Variants in LSAMP observed in about 807,000 individuals in gnomAD.
The protein encoded by LSAMP is limbic system-associated membrane protein.
LSAMP carries 7 observed loss-of-function variants against 38.6 expected under a neutral mutation model. The observed-to-expected ratio is 0.18, with a 90% confidence interval of 0.10 to 0.34. LSAMP has a LOEUF of 0.34. Ranked by LOEUF, LSAMP falls within the 10% of genes least tolerant of loss-of-function variation. The pLI, the probability that LSAMP is intolerant of heterozygous loss-of-function variation, is 1.00. For missense variants in LSAMP, 313 were observed against 420.0 expected, an observed-to-expected ratio of 0.75 and a Z score of 2.23; for synonymous variants, 154 against 166.8, an observed-to-expected ratio of 0.92 and a Z score of 0.59.
At chr3:116,031,176 G>C (rs985637160) in intron 2 of LSAMP, among the ~76,000 whole-genome samples, 4 of 152,098 alleles carry the variant, frequency 2.6e-5, no homozygotes, top group Non-Finnish European at 5.9e-5. Context: ...ATAGAAAATA[G>C]AAGTATAAAG....
chr3:116,337,082 A>G (rs745914966), intron 1 of LSAMP, among the ~76,000 whole-genome samples: 11 of 151,958 alleles, frequency 7.2e-5, no homozygotes, highest in Non-Finnish European at 1.3e-4. Context: ...AAAACGACAC[A>G]TACTATCAGA....
chr3:116,111,706 T>C (rs1371634277), intron 1 of LSAMP, among the ~76,000 whole-genome samples: 3 of 152,220 alleles, frequency 2.0e-5, no homozygotes, highest in Admixed American at 2.0e-4. Context: ...ACCATGTTTC[T>C]TTTCCGTTTC....
At chr3:116,401,679 C>T (rs62269075) in intron 1 of LSAMP, among the ~76,000 whole-genome samples, 4,043 of 152,188 alleles carry the variant, frequency 0.027, 73 homozygotes, top group Non-Finnish European at 0.041. Flanking sequence ...TCTTTTTTTG[C>T]ACAGAATCGG....
Position 116,433,131 on chromosome 3 carries a change from A to G in LSAMP, c.155+11746T>C, listed in dbSNP as rs568218487. 3.3e-5 allele frequency among the ~76,000 whole-genome samples: 5 copies of G among 152,306 alleles called. No individual in the cohort carries two copies. The South Asian group carries it at 1.0e-3, about 32-fold the overall frequency. On this transcript the variant is annotated intron_variant, in intron 1 of 6. Transcript: ENST00000490035. ...GAGTGAGGTGTGTGTAATGACACAA[A>G]ACAATCAGAAGTCAGGAAACAAATT...
intron 1 of LSAMP, among the ~76,000 whole-genome samples, chr3:116,222,261 G>T (rs1382695827): frequency 7.1e-6 from 1 of 141,184 alleles, no homozygotes; most frequent in East Asian, 2.0e-4. Context: ...CCTATTTTAT[G>T]ACTTCAAAAA....
At chr3:116,422,773 AAT>A (rs890182323) in intron 1 of LSAMP, among the ~76,000 whole-genome samples, 9 of 152,184 alleles carry the variant, frequency 5.9e-5, no homozygotes, top group Admixed American at 5.2e-4. Flanking sequence ...GCTAAAAATA[AAT>A]AGTGCTGCTA....
In LSAMP at chr3:116,372,634, A is replaced by G. The variant is rs569478779; in HGVS notation, c.155+72243T>C. On this transcript the variant is annotated intron_variant, in intron 1 of 6. Coordinates refer to ENST00000490035, the MANE Select transcript of LSAMP (RefSeq NM_002338.5). ...AACAGAGTAAAAAGGCAATACACAG[A>G]ATGTTAGAAAATATTTGCAAATACT... is the stretch of plus-strand genomic sequence containing the variant. Among the ~76,000 whole-genome samples, 15 of 152,030 alleles carry G rather than the reference A, an allele frequency of 9.9e-5. No homozygotes were observed. In the South Asian group the frequency reaches 2.5e-3, roughly 25 times the overall value.
At chr3:116,272,920 A>C (rs763629265) in intron 1 of LSAMP, among the ~76,000 whole-genome samples, 1 of 152,192 alleles carries the variant, frequency 6.6e-6, no homozygotes, top group Non-Finnish European at 1.5e-5. Context: ...CATTTTGGGC[A>C]TAAATAACCT....
chr3:115,869,662 T>G (rs1392685662), intron 3 of LSAMP, among the ~76,000 whole-genome samples: 1 of 152,130 alleles, frequency 6.6e-6, no homozygotes, highest in African/African-American at 2.4e-5. Context: ...TATTAATTTC[T>G]TTTAAATCTC....
chr3:116,200,911 C>T (rs1244971840), intron 1 of LSAMP, among the ~76,000 whole-genome samples: 1 of 152,182 alleles, frequency 6.6e-6, no homozygotes, highest in Non-Finnish European at 1.5e-5. Flanking sequence ...CCCAAGCTCC[C>T]ACCACCTTGT....
At chr3:116,118,406 C>A (rs552188132) in intron 1 of LSAMP, among the ~76,000 whole-genome samples, 4 of 152,166 alleles carry the variant, frequency 2.6e-5, no homozygotes, top group Middle Eastern at 3.2e-3. Context: ...TACTGGCTTA[C>A]GCTTCAGCAT....
At chr3:116,012,151 G>A (rs1051032069) in intron 3 of LSAMP, among the ~76,000 whole-genome samples, 5 of 152,096 alleles carry the variant, frequency 3.3e-5, no homozygotes, top group Non-Finnish European at 5.9e-5. Flanking sequence ...AAATCTACCC[G>A]CACTCACTGT....
At chr3:116,300,442 C>G (rs867592748) in intron 1 of LSAMP, among the ~76,000 whole-genome samples, 2 of 152,146 alleles carry the variant, frequency 1.3e-5, no homozygotes, top group Non-Finnish European at 1.5e-5. Context: ...TGATTTGTAA[C>G]ACATAAAGTC....
chr3:116,023,858 T>A (rs940426329), intron 2 of LSAMP, among the ~76,000 whole-genome samples: 1 of 152,206 alleles, frequency 6.6e-6, no homozygotes, highest in Non-Finnish European at 1.5e-5. Context: ...CATCATCTGG[T>A]GGGATCAGGC....
intron 1 of LSAMP, among the ~76,000 whole-genome samples, chr3:116,270,669 A>ATGTT (rs1352482527): frequency 3.3e-5 from 5 of 152,230 alleles, no homozygotes; most frequent in South Asian, 2.1e-4. Flanking sequence ...GGGGGCCTTA[A>ATGTT]TGTTTAATGT....
rs145759867 is a variant in LSAMP, at chr3:116,344,917, T to C, written c.155+99960A>G. On this transcript the variant is annotated intron_variant, in intron 1 of 6. Coordinates refer to ENST00000490035, the MANE Select transcript of LSAMP (RefSeq NM_002338.5). ...ATCCCACTCTTTGATTTCTATATTA[T>C]TCACGGTAGGCATTCCTTAAAACTT... Among the ~76,000 whole-genome samples the C allele has an allele frequency of 9.8e-5, 15 of 152,330 alleles. No individual in the cohort carries two copies. In the East Asian group the frequency reaches 2.9e-3, roughly 29 times the overall value.
intron 2 of LSAMP, chr3:116,051,122 A>G (rs550221367): frequency 6.6e-6 from 1 of 152,350 alleles, no homozygotes; most frequent in South Asian, 2.1e-4. Flanking sequence ...CTACAATTCA[A>G]AAAAAGAAGG....
intron 2 of LSAMP, among the ~76,000 whole-genome samples, chr3:116,069,708 G>GT (rs1306488714): frequency 6.6e-6 from 1 of 152,190 alleles, no homozygotes; most frequent in African/African-American, 2.4e-5. Context: ...GAGATCAATT[G>GT]TGCCATTATC....
intron 3 of LSAMP, among the ~76,000 whole-genome samples, chr3:115,886,859 AC>A (rs1936467287): frequency 6.6e-6 from 1 of 151,998 alleles, no homozygotes; most frequent in Admixed American, 6.6e-5. Flanking sequence ...ACCTTGAGAT[AC>A]CAAGTCTACT....
Sources: gnomAD v4.1 joint callset for allele counts (sites outside exome capture counted in the v4.1 genomes callset) on GRCh38, gnomAD v4.1.1 for gene constraint, MANE v1.5 for transcripts, NCBI Gene and HGNC (gene_info 2026-07-23, HGNC 2026-07-21) for gene names.